The following ZFPM1 variants were observed in gnomAD, a reference collection of about 807,000 sequenced individuals.
ZFPM1 encodes the protein zinc finger protein, FOG family member 1, also known as zinc finger protein ZFPM1.
A neutral mutation model predicts 46.3 loss-of-function variants in ZFPM1; 28 were observed. That is an observed-to-expected ratio of 0.60 (90% CI 0.45 to 0.83). The LOEUF (loss-of-function observed/expected upper bound fraction) is 0.83, where lower values mean the gene tolerates loss of function less well. Among genes scored for constraint, ZFPM1 ranks in the 40% least tolerant of loss-of-function variants. The probability of loss-of-function intolerance (pLI) is 0.00; values close to 1 mark genes in which losing one functional copy is unlikely to be tolerated. For synonymous variants in ZFPM1, 957 were observed against 675.9 expected, an observed-to-expected ratio of 1.42 and a Z score of -6.45; for missense variants, 1,878 against 1,432.4, an observed-to-expected ratio of 1.31 and a Z score of -5.02.
At chr16:88,529,480 A>T (rs1912612347) in intron 6 of ZFPM1, among the ~76,000 whole-genome samples, 1 of 152,168 alleles carries the variant, frequency 6.6e-6, no homozygotes, top group Non-Finnish European at 1.5e-5. Context: ...CCCGTATGAG[A>T]GTCAGGGGAG....
At position 88,480,921 on chromosome 16, in the gene ZFPM1, A is replaced by G. The variant is rs1341776159; in HGVS notation, c.41-5018A>G. ...ATCAAAGCCGGGAGGGGCCACCTTAATCGTCGGTGTGGGGACTTGGAAGGG... is the reference window on the plus strand; with the variant it reads ...ATCAAAGCCGGGAGGGGCCACCTTAGTCGTCGGTGTGGGGACTTGGAAGGG... On this transcript the variant is annotated intron_variant, in intron 1 of 9. Coordinates refer to ENST00000319555, the MANE Select transcript of ZFPM1 (RefSeq NM_153813.3). This position sits in a 1 kb window ranked among gnomAD's most constrained non-coding sequence, Gnocchi z 4.9. 6.6e-6 allele frequency among the ~76,000 whole-genome samples: 1 copy of G among 152,232 alleles called. No individual in the cohort carries two copies. Among genetic ancestry groups the G allele is most frequent in the African/African-American group, 2.4e-5 (1 of 41,466 alleles).
In ZFPM1 at chr16:88,480,890, C is replaced by G. The variant is rs1191724160; in HGVS notation, c.41-5049C>G. 1.3e-5 allele frequency among the ~76,000 whole-genome samples: 2 copies of G among 152,264 alleles called. No homozygotes were observed. Among genetic ancestry groups the G allele is most frequent in the Non-Finnish European group, 2.9e-5 (2 of 68,052 alleles). ...GTCGTTCAAAGGAGCCCCCCAGCGC[C>G]TCGCCATCAAAGCCGGGAGGGGCCA... is the stretch of plus-strand genomic sequence containing the variant. On this transcript the variant is annotated intron_variant, in intron 1 of 9. Transcript: ENST00000319555. This position sits in a 1 kb window ranked among gnomAD's most constrained non-coding sequence, Gnocchi z 4.9.
intron 1 of ZFPM1, among the ~76,000 whole-genome samples, chr16:88,474,735 C>A (rs960147535): frequency 6.6e-6 from 1 of 152,236 alleles, no homozygotes; most frequent in African/African-American, 2.4e-5. Flanking sequence ...CGAGCCTCCG[C>A]GGCATCCTCC....
chr16:88,514,480 G>A lies in ZFPM1; in HGVS notation c.362G>A (p.Ser121Asn). ...CTGTCCTGGGGCCCGTTCCATGGGA[G>A]TGTCCAGACCAGAGCCTCATCCCCC... ...TGLSWGPFHGSVQTRASSPRQ... is the reference protein window; with the variant it reads ...TGLSWGPFHGNVQTRASSPRQ... The change falls in exon 4 of 10, where the codon AGT becomes AAT. Residue 121 changes from serine to asparagine, a missense_variant. Transcript: ENST00000319555. The A allele has an allele frequency of 6.4e-7, 1 of 1,564,668 alleles. No homozygotes were observed. The highest frequency in any genetic ancestry group is 1.4e-5 in the African/African-American group (1 of 73,870).
At position 88,534,215 on chromosome 16, in the gene ZFPM1, G is replaced by A. The variant is rs896037984; in HGVS notation, c.2257G>A (p.Gly753Ser). 316 of 979,634 alleles carry A rather than the reference G, an allele frequency of 3.2e-4. No individual in the cohort carries two copies. Among genetic ancestry groups the A allele is most frequent in the Non-Finnish European group, 3.4e-4 (284 of 829,300 alleles). The allele number at this position is 979,634 out of a possible 1,614,324, so 60.7% of individuals were successfully genotyped here. A position where few individuals can be genotyped will look rare whatever the true frequency, so the allele number is the denominator to read the frequency against. ...CAAGCTCTACGAGCTGCACGCGGCC[G>A]GCGCCCCGCCCCCCCCGCCGCCCGG... ...RRKLYELHAA[G>S]APPPPPPGHA... is the part of the protein sequence containing the mutation. Residue 753 changes from glycine to serine, a missense_variant, in exon 10 of 10, where the codon GGC becomes AGC. Physicochemically the swap from Gly to Ser is moderately conservative, Grantham distance 56. Transcript: ENST00000319555.
At chr16:88,492,450 A>C (rs1351295495) in intron 3 of ZFPM1, among the ~76,000 whole-genome samples, 9 of 152,182 alleles carry the variant, frequency 5.9e-5, no homozygotes. Context: ...AGCTCGGACC[A>C]AGGGGCACTC....
At chr16:88,518,958 G>A (rs1427996200) in intron 4 of ZFPM1, among the ~76,000 whole-genome samples, 1 of 149,004 alleles carries the variant, frequency 6.7e-6, no homozygotes, top group Non-Finnish European at 1.5e-5. Flanking sequence ...TGGTGGATAA[G>A]TGGATGGATG....
At chr16:88,464,900 C>T (rs908224273) in intron 1 of ZFPM1, among the ~76,000 whole-genome samples, 2 of 152,186 alleles carry the variant, frequency 1.3e-5, no homozygotes, top group Non-Finnish European at 2.9e-5. Context: ...TCCCCACCAG[C>T]GATCCGCTGC....
chr16:88,532,288 C>G, intron 7 of ZFPM1, 53 bp downstream of exon 7: 1 of 1,498,800 alleles, frequency 6.7e-7, no homozygotes, highest in Non-Finnish European at 9.0e-7. Flanking sequence ...CTTCCCCACC[C>G]AGTCCCGCAG....
chr16:88,505,607 G>A (rs528886551), intron 3 of ZFPM1, among the ~76,000 whole-genome samples: 35 of 152,274 alleles, frequency 2.3e-4, no homozygotes, highest in Middle Eastern at 3.4e-3. Context: ...TCCTGGCACG[G>A]TGCCATGTGG....
chr16:88,530,015 G>C (rs949308487), intron 6 of ZFPM1, among the ~76,000 whole-genome samples: 1 of 152,170 alleles, frequency 6.6e-6, no homozygotes, highest in Non-Finnish European at 1.5e-5. Context: ...AAGAGAACAC[G>C]GGCCGCAGGT....
chr16:88,460,384 A>G (rs908386260), intron 1 of ZFPM1, among the ~76,000 whole-genome samples: 1 of 151,936 alleles, frequency 6.6e-6, no homozygotes, highest in African/African-American at 2.4e-5. Context: ...GCTGCCTGCC[A>G]TCTTTCTGGG....
chr16:88,532,415 TCTGGGTAGTCAGCTGAGGGCTGGGCCCA>T (rs1358821849), intron 7 of ZFPM1, among the ~76,000 whole-genome samples, 171 bp from the exon 8 acceptor site: 1 of 152,138 alleles, frequency 6.6e-6, no homozygotes, highest in African/African-American at 2.4e-5. Flanking sequence ...CTGTGGGCTA[TCTGGGTAGTCAGCTGAGGGCTGGGCCCA>T]CTGCTGTCCC....
Position 88,532,624 on chromosome 16 carries a change from C to T in ZFPM1, c.957C>T (p.Pro319=), listed in dbSNP as rs1912881347. The part of the protein sequence containing the change: ...IHMRSHSGER[P]FVCLICLSAF... ...CGCCCTGTGTTCCAGGAGAGCGGCC[C>T]TTCGTGTGCCTGATCTGCCTGTCGG... The change falls in exon 8 of 10, where the codon CCC becomes CCT. Residue 319 remains proline (P), a synonymous_variant. Transcript: ENST00000319555. 1.3e-6 allele frequency: 2 copies of T among 1,570,728 alleles called. No individual in the cohort carries two copies. Among genetic ancestry groups the T allele is most frequent in the Admixed American group, 1.9e-5 (1 of 52,990 alleles).
Position 88,453,638 on chromosome 16 carries a change from C to G in ZFPM1, c.-1C>G, listed in dbSNP as rs1471933522. 6.0e-6 allele frequency: 7 copies of G among 1,159,016 alleles called. No individual in the cohort carries two copies. Among genetic ancestry groups the G allele is most frequent in the Non-Finnish European group, 7.6e-6 (7 of 924,504 alleles). The allele number at this position is 1,159,016 out of a possible 1,614,324, so 71.8% of individuals were successfully genotyped here. A position where few individuals can be genotyped will look rare whatever the true frequency, so the allele number is the denominator to read the frequency against. ...CCGGGAGGGCGCGCGGCGCCGGAGA[C>G]ATGTCCAGGCGGAAACAGAGCAACC... On this transcript the variant is annotated 5_prime_UTR_variant, in exon 1 of 10. Coordinates refer to ENST00000319555, the MANE Select transcript of ZFPM1 (RefSeq NM_153813.3).
At chr16:88,479,301 G>A (rs538644956) in intron 1 of ZFPM1, among the ~76,000 whole-genome samples, 1 of 152,220 alleles carries the variant, frequency 6.6e-6, no homozygotes, top group East Asian at 1.9e-4. Flanking sequence ...TTCCCTGCTT[G>A]GCGAGATTCA....
chr16:88,468,533 CAG>C (rs1316423319), intron 1 of ZFPM1, among the ~76,000 whole-genome samples: 2 of 152,212 alleles, frequency 1.3e-5, no homozygotes, highest in South Asian at 2.1e-4. Context: ...CTTTCCCACT[CAG>C]AGTCATCCCT....
chr16:88,526,995 A>C (rs879239227), intron 5 of ZFPM1, 79 bp downstream of exon 5: 2 of 1,486,056 alleles, frequency 1.3e-6, no homozygotes, highest in Non-Finnish European at 9.0e-7. Context: ...TGAGCCCTTA[A>C]AGGGAAACCA....
In ZFPM1 at chr16:88,471,841, C is replaced by G. The variant is rs1451102574; in HGVS notation, c.41-14098C>G. Among the ~76,000 whole-genome samples, 1 of 152,280 alleles carries G rather than the reference C, an allele frequency of 6.6e-6. No individual in the cohort carries two copies. The highest frequency in any genetic ancestry group is 2.4e-5 in the African/African-American group (1 of 41,476). ...GAAATCGGGGCGAGGCCCCCGCGGG[C>G]TGGGAGGGCTCTGGGCCTCCGGCTG... On this transcript the variant is annotated intron_variant, in intron 1 of 9. Coordinates refer to ENST00000319555, the MANE Select transcript of ZFPM1 (RefSeq NM_153813.3). The surrounding 1 kb of genome is among the most constrained non-coding windows in gnomAD (Gnocchi z 4.1).
Sources: gnomAD v4.1 joint callset for allele counts (sites outside exome capture counted in the v4.1 genomes callset) on GRCh38, gnomAD v4.1.1 for gene constraint, Gnocchi (gnomAD v3.1) non-coding constraint, MANE v1.5 for transcripts, NCBI Gene and HGNC (gene_info 2026-07-23, HGNC 2026-07-21) for gene names.